CSMD1: variants seen among roughly 807,000 people sequenced by gnomAD.
CSMD1 encodes the protein CUB and Sushi multiple domains 1.
Under a neutral mutation model 417.5 loss-of-function variants are expected in CSMD1, and 213 were observed. The ratio of observed to expected loss-of-function variants is 0.51; its 90% CI spans 0.46 to 0.57. The LOEUF (loss-of-function observed/expected upper bound fraction) is 0.57, where lower values mean the gene tolerates loss of function less well. Ranked by LOEUF, CSMD1 falls within the 20% of genes least tolerant of loss-of-function variation. The pLI, the probability that CSMD1 is intolerant of heterozygous loss-of-function variation, is 0.00. For missense variants in CSMD1, 6,923 were observed against 4,529.7 expected (o/e 1.53, Z -15.17); for synonymous variants, 2,862 against 1,736.8 (o/e 1.65, Z -16.11).
At chr8:4,590,069 A>T (rs546332219) in intron 2 of CSMD1, among the ~76,000 whole-genome samples, 1 of 152,216 alleles carries the variant, frequency 6.6e-6, no homozygotes, top group East Asian at 1.9e-4. Flanking sequence ...TTGTGGTGGT[A>T]ACATGTATTT....
chr8:4,055,684 A>C (rs1310333764), intron 3 of CSMD1, among the ~76,000 whole-genome samples: 2 of 152,160 alleles, frequency 1.3e-5, no homozygotes, highest in Non-Finnish European at 2.9e-5. Context: ...CAAAGTAACA[A>C]TATACTTTGA....
chr8:4,885,840 T>G (rs1005306258), intron 1 of CSMD1, among the ~76,000 whole-genome samples: 4 of 152,088 alleles, frequency 2.6e-5, no homozygotes, highest in African/African-American at 9.7e-5. Context: ...ATTTGTTGCT[T>G]GTGTTTTTGC....
chr8:3,211,555 G>C (rs922259206), intron 30 of CSMD1, among the ~76,000 whole-genome samples: 1 of 152,190 alleles, frequency 6.6e-6, no homozygotes, highest in African/African-American at 2.4e-5. Context: ...ACAGAATTAA[G>C]ATTTACTAGT....
At chr8:3,057,361 C>G (rs1812303150) in intron 49 of CSMD1, among the ~76,000 whole-genome samples, 1 of 152,002 alleles carries the variant, frequency 6.6e-6, no homozygotes, top group Non-Finnish European at 1.5e-5. Flanking sequence ...AGATTATAAT[C>G]AAATAATTAA....
At chr8:4,433,252 G>C (rs933487869) in intron 2 of CSMD1, among the ~76,000 whole-genome samples, 1 of 152,068 alleles carries the variant, frequency 6.6e-6, no homozygotes, top group Non-Finnish European at 1.5e-5. Context: ...TACTACATTT[G>C]AATGACCCCG....
At chr8:3,001,953 G>A (rs985202478) in intron 52 of CSMD1, among the ~76,000 whole-genome samples, 6 of 152,150 alleles carry the variant, frequency 3.9e-5, no homozygotes. Context: ...GAAACATTGT[G>A]TTCTCCTATT....
intron 1 of CSMD1, among the ~76,000 whole-genome samples, chr8:4,849,861 G>C (rs905702118): frequency 1.3e-5 from 2 of 152,086 alleles, no homozygotes; most frequent in Non-Finnish European, 1.5e-5. Flanking sequence ...ACATGTAACT[G>C]TATATGTTTT....
intron 3 of CSMD1, among the ~76,000 whole-genome samples, chr8:4,341,047 C>G (rs1477275923): frequency 2.6e-5 from 4 of 152,068 alleles, no homozygotes; most frequent in South Asian, 2.1e-4. Flanking sequence ...AATCTATACT[C>G]TAAATCAACG....
At chr8:3,725,173 T>C (rs1313576114) in intron 6 of CSMD1, among the ~76,000 whole-genome samples, 1 of 152,072 alleles carries the variant, frequency 6.6e-6, no homozygotes, top group African/African-American at 2.4e-5. Flanking sequence ...AGCTGTGCCC[T>C]GAAGGCAAGG....
chr8:3,285,231 T>C (rs1803056528), intron 25 of CSMD1, among the ~76,000 whole-genome samples: 1 of 152,220 alleles, frequency 6.6e-6, no homozygotes, highest in South Asian at 2.1e-4. Flanking sequence ...GTTTTGCATA[T>C]ATTACATGTT....
intron 25 of CSMD1, among the ~76,000 whole-genome samples, chr8:3,291,711 C>G (rs1468268432): frequency 6.9e-6 from 1 of 144,058 alleles, no homozygotes; most frequent in Non-Finnish European, 1.5e-5. Flanking sequence ...TTTGATTCTT[C>G]TCTCTTTTCT....
At chr8:4,370,863 C>A (rs774201486) in intron 3 of CSMD1, among the ~76,000 whole-genome samples, 1 of 152,300 alleles carries the variant, frequency 6.6e-6, no homozygotes. Context: ...CTGTTTCAAC[C>A]TCCTCTTGTA....
At chr8:4,257,984 T>C (rs938749169) in intron 3 of CSMD1, among the ~76,000 whole-genome samples, 12 of 152,126 alleles carry the variant, frequency 7.9e-5, no homozygotes, top group African/African-American at 2.7e-4. Flanking sequence ...CATAAAAGAA[T>C]ATCATAGAAT....
At chr8:4,388,462 A>C (rs1403881826) in intron 3 of CSMD1, among the ~76,000 whole-genome samples, 1 of 152,108 alleles carries the variant, frequency 6.6e-6, no homozygotes, top group African/African-American at 2.4e-5. Context: ...AATGAAAAAC[A>C]AACATCATAT....
chr8:3,811,520 T>C (rs1801077557), intron 5 of CSMD1, among the ~76,000 whole-genome samples: 2 of 152,154 alleles, frequency 1.3e-5, no homozygotes, highest in South Asian at 4.1e-4. Flanking sequence ...AGTTGTTCCC[T>C]GGTGTTCCTT....
At chr8:3,678,859 C>T (rs1172149825) in intron 7 of CSMD1, among the ~76,000 whole-genome samples, 1 of 152,134 alleles carries the variant, frequency 6.6e-6, no homozygotes, top group East Asian at 1.9e-4. Context: ...GTCTACAAGC[C>T]AGAAAAGACT....
chr8:3,843,326 A>C (rs75958221), intron 5 of CSMD1, among the ~76,000 whole-genome samples: 17,431 of 152,194 alleles, frequency 0.11, 1,342 homozygotes, highest in African/African-American at 0.22. Flanking sequence ...TCATTGAACG[A>C]AATCGTTTGA....
intron 12 of CSMD1, among the ~76,000 whole-genome samples, chr8:3,466,373 A>C (rs1038013235): frequency 3.3e-5 from 5 of 151,842 alleles, no homozygotes; most frequent in Admixed American, 6.6e-5. Flanking sequence ...AGAACATTTA[A>C]CTCTATGTGA....
At chr8:4,979,994 T>G (rs911201874) in intron 1 of CSMD1, among the ~76,000 whole-genome samples, 9 of 152,114 alleles carry the variant, frequency 5.9e-5, no homozygotes, top group African/African-American at 2.2e-4. Context: ...GCCAAGATAG[T>G]GCACTGCACT....
Sources: allele counts gnomAD v4.1 joint callset (sites outside exome capture counted in the v4.1 genomes callset), GRCh38; gene constraint gnomAD v4.1.1; transcripts MANE v1.5; gene names NCBI Gene and HGNC (gene_info 2026-07-23, HGNC 2026-07-21).